The following EHHADH variants were observed in gnomAD, a reference collection of about 807,000 sequenced individuals.
The protein encoded by EHHADH is enoyl-CoA hydratase and 3-hydroxyacyl CoA dehydrogenase.
Under a neutral mutation model 64.4 loss-of-function variants are expected in EHHADH, and 48 were observed. That is an observed-to-expected ratio of 0.75 (90% confidence interval 0.59 to 0.95). The LOEUF (loss-of-function observed/expected upper bound fraction) is 0.95, where lower values mean the gene tolerates loss of function less well. EHHADH is among the 40% of genes least tolerant of loss of function. The pLI is 0.00. For synonymous variants in EHHADH, 308 were observed against 326.7 expected, an observed-to-expected ratio of 0.94 and a Z score of 0.62; for missense variants, 854 against 876.6, an observed-to-expected ratio of 0.97 and a Z score of 0.33.
intron 5 of EHHADH, among the ~76,000 whole-genome samples, chr3:185,207,309 A>C (rs1718424421): frequency 6.6e-6 from 1 of 152,052 alleles, no homozygotes; most frequent in Admixed American, 6.5e-5. Flanking sequence ...AAAATTAGAC[A>C]TTGAGATGGG....
intron 4 of EHHADH, among the ~76,000 whole-genome samples, chr3:185,220,720 T>C (rs1465426680): frequency 3.9e-5 from 6 of 152,226 alleles, no homozygotes; most frequent in South Asian, 2.1e-4. Context: ...TAAGTGTAGA[T>C]GACAACCACT....
intron 6 of EHHADH, 25 bp from the exon 7 acceptor site, chr3:185,193,512 A>G (rs918946285): frequency 6.2e-7 from 1 of 1,608,936 alleles, no homozygotes. Context: ...CAAAGGAGAA[A>G]AAGAATGATT....
intron 2 of EHHADH, among the ~76,000 whole-genome samples, chr3:185,245,030 C>T (rs1719557285): frequency 2.0e-5 from 3 of 152,104 alleles, no homozygotes. Flanking sequence ...CAAGTATTTA[C>T]TTGGTGAGAT....
chr3:185,218,301 A>G, intron 4 of EHHADH, 61 bp from the exon 5 acceptor site: 1 of 1,171,318 alleles, frequency 8.5e-7, no homozygotes, highest in Non-Finnish European at 1.2e-6. Context: ...TTAAAGCAAA[A>G]GCATTACTCT....
In EHHADH at chr3:185,252,059, G is replaced by T. The variant is rs116020269; in HGVS notation, c.74+1890C>A. On this transcript the variant is annotated intron_variant, in intron 1 of 6. Transcript: ENST00000231887. ...CAAAGAGGATGGGGGTGGCACAGGTGGTTGCATGGGTGGGCAAGGAGAGCA... is the reference window on the plus strand; with the variant it reads ...CAAAGAGGATGGGGGTGGCACAGGTTGTTGCATGGGTGGGCAAGGAGAGCA... Among the ~76,000 whole-genome samples, 1,046 of 152,258 alleles carry T rather than the reference G, an allele frequency of 6.9e-3. 15 individuals carry two copies. Among genetic ancestry groups the T allele is most frequent in the African/African-American group, 0.024 (1,009 of 41,552 alleles).
rs927259569 is a variant in EHHADH, at chr3:185,192,154, T to C, written c.*72A>G. On this transcript the variant is annotated 3_prime_UTR_variant, in exon 7 of 7. Transcript: ENST00000231887. ...TCAGAACAATCTTACTTTGGATTTT[T>C]GATTTAATTTCACTGAAATTCAGTC... 3.2e-5 allele frequency: 47 copies of C among 1,475,800 alleles called. No individual in the cohort carries two copies. The African/African-American group carries it at 5.9e-4, about 19-fold the overall frequency. The allele number at this position is 1,475,800 out of a possible 1,614,324, so 91.4% of individuals were successfully genotyped here.
At position 185,253,975 on chromosome 3, in the gene EHHADH, G is replaced by A. The variant is rs372700505; in HGVS notation, c.48C>T (p.Leu16=). 5.0e-6 allele frequency: 8 copies of A among 1,613,882 alleles called. No individual in the cohort carries two copies. In the African/African-American group the frequency reaches 9.3e-5, roughly 19 times the overall value. Residue 16 remains leucine (L), a synonymous_variant, in exon 1 of 7, where the codon CTC becomes CTT. Coordinates refer to ENST00000231887, the MANE Select transcript of EHHADH (RefSeq NM_001966.4). ...TGATCGCGTTGACCGGCGGGTTTCG[G>A]AGGCGGATTAGCGCCAAGGCGTTGT... ...RLHNALALIR[L]RNPPVNAIST...
Position 185,253,944 on chromosome 3 carries a change from G to A in EHHADH, c.74+5C>T, listed in dbSNP as rs1719824792. On this transcript the variant is annotated splice_donor_5th_base_variant and intron_variant, in intron 1 of 6. Coordinates refer to ENST00000231887, the MANE Select transcript of EHHADH (RefSeq NM_001966.4). ...CCCCGGGCTGGAGGCGACCGAGCCC[G>A]TTACCTGATCGCGTTGACCGGCGGG... is the stretch of plus-strand genomic sequence containing the variant. 6.2e-7 allele frequency: 1 copy of A among 1,614,100 alleles called. No homozygotes were observed. Among genetic ancestry groups the A allele is most frequent in the Non-Finnish European group, 8.5e-7 (1 of 1,179,966 alleles).
chr3:185,251,705 T>G (rs1335840401), intron 1 of EHHADH, among the ~76,000 whole-genome samples: 1 of 148,910 alleles, frequency 6.7e-6, no homozygotes, highest in Non-Finnish European at 1.5e-5. Context: ...AAATTAGAAA[T>G]AGGAAGGGGA....
chr3:185,222,428 A>G (rs1443450290), intron 4 of EHHADH, among the ~76,000 whole-genome samples: 1 of 152,232 alleles, frequency 6.6e-6, no homozygotes, highest in Admixed American at 6.5e-5. Flanking sequence ...AGCTTTAAAA[A>G]TGTTTCTTTA....
At chr3:185,249,444 C>G (rs1046593622) in intron 1 of EHHADH, among the ~76,000 whole-genome samples, 1 of 152,104 alleles carries the variant, frequency 6.6e-6, no homozygotes, top group Non-Finnish European at 1.5e-5. Context: ...GGCTCTTTAT[C>G]CCCACCAAAA....
At chr3:185,203,973 C>G (rs1391511135) in intron 6 of EHHADH, among the ~76,000 whole-genome samples, 2 of 151,810 alleles carry the variant, frequency 1.3e-5, no homozygotes, top group Non-Finnish European at 1.5e-5. Context: ...AGCCCTGTCT[C>G]TACTAAAAAT....
chr3:185,220,726 C>A (rs1226188616), intron 4 of EHHADH, among the ~76,000 whole-genome samples: 1 of 151,798 alleles, frequency 6.6e-6, no homozygotes, highest in Non-Finnish European at 1.5e-5. Flanking sequence ...TAGATGACAA[C>A]CACTGTCCAA....
At chr3:185,194,527 A>G (rs964425114) in intron 6 of EHHADH, among the ~76,000 whole-genome samples, 2 of 151,816 alleles carry the variant, frequency 1.3e-5, no homozygotes, top group African/African-American at 4.8e-5. Flanking sequence ...CAGGAGAATC[A>G]CTTGAACCCA....
intron 2 of EHHADH, among the ~76,000 whole-genome samples, chr3:185,244,720 T>C (rs1216606815): frequency 3.3e-5 from 5 of 152,166 alleles, no homozygotes; most frequent in Non-Finnish European, 7.3e-5. Context: ...GATGCATCCA[T>C]AGGCCAAGGA....
At chr3:185,248,316 T>C in intron 2 of EHHADH, 98 bp downstream of exon 2, 1 of 888,362 alleles carries the variant, frequency 1.1e-6, no homozygotes, top group South Asian at 1.3e-5. Context: ...ATCCATTACC[T>C]ACACTAAGTT....
intron 6 of EHHADH, among the ~76,000 whole-genome samples, chr3:185,202,969 G>A (rs1718272337): frequency 6.7e-6 from 1 of 149,720 alleles, no homozygotes; most frequent in South Asian, 2.1e-4. Flanking sequence ...GTAGATTGGT[G>A]GTTGCCAAAG....
intron 2 of EHHADH, among the ~76,000 whole-genome samples, chr3:185,237,934 T>C (rs1719340861): frequency 6.6e-6 from 1 of 152,142 alleles, no homozygotes; most frequent in African/African-American, 2.4e-5. Context: ...TCCCTATGTC[T>C]ATTACTTCCC....
chr3:185,252,535 C>T (rs1002156995), intron 1 of EHHADH, among the ~76,000 whole-genome samples: 8 of 151,940 alleles, frequency 5.3e-5, no homozygotes, highest in Non-Finnish European at 1.0e-4. Context: ...AGTATATAGA[C>T]CAGTCCAAAA....
Sources: gnomAD v4.1 joint callset for allele counts (sites outside exome capture counted in the v4.1 genomes callset) on GRCh38, gnomAD v4.1.1 for gene constraint, MANE v1.5 for transcripts, NCBI Gene and HGNC (gene_info 2026-07-23, HGNC 2026-07-21) for gene names.